DYRK4: variants seen among roughly 807,000 people sequenced by gnomAD.
DYRK4 encodes dual specificity tyrosine phosphorylation regulated kinase 4.
Under a neutral mutation model 68.3 loss-of-function variants are expected in DYRK4, and 64 were observed. That is an observed-to-expected ratio of 0.94 (90% confidence interval 0.77 to 1.15). DYRK4 has a LOEUF of 1.15. Among genes scored for constraint, DYRK4 ranks in the 50% most tolerant of loss-of-function variants. The probability of loss-of-function intolerance (pLI) is 0.00; values close to 1 mark genes in which losing one functional copy is unlikely to be tolerated. For missense variants in DYRK4, 740 were observed against 764.7 expected (o/e 0.97, Z 0.38); for synonymous variants, 274 against 289.9 (o/e 0.95, Z 0.56).
rs778614361 is a variant in DYRK4, at chr12:4,591,345, TC to T, written c.463+48del. On this transcript the variant is annotated intron_variant, in intron 5 of 14. Transcript: ENST00000543431. This position sits in a 1 kb window ranked among gnomAD's most constrained non-coding sequence, Gnocchi z 4.1. ...AGGGTGGGGAGGTGCTTATGGAAGG[TC>T]GGGGTGTTAAGAGCTAAGCTGCGCT... 17 of 1,602,680 alleles carry T rather than the reference TC, an allele frequency of 1.1e-5. No homozygotes were observed. Among genetic ancestry groups the T allele is most frequent in the Non-Finnish European group, 1.4e-5 (17 of 1,175,338 alleles).
chr12:4,573,608 G>A (rs920705346), intron 2 of DYRK4, among the ~76,000 whole-genome samples: 1 of 152,036 alleles, frequency 6.6e-6, no homozygotes, highest in Non-Finnish European at 1.5e-5. Flanking sequence ...GGAGATATTC[G>A]GAATGCAATC....
chr12:4,597,222 C>G (rs1269761182), intron 8 of DYRK4: 1 of 904,596 alleles, frequency 1.1e-6, no homozygotes, highest in Non-Finnish European at 1.3e-6. Flanking sequence ...ATTGGCGTGG[C>G]CTGGCTGAAT....
intron 11 of DYRK4, among the ~76,000 whole-genome samples, chr12:4,605,311 C>T (rs1464576471): frequency 2.6e-5 from 4 of 152,198 alleles, no homozygotes; most frequent in Admixed American, 2.6e-4. Flanking sequence ...GATGTCATTT[C>T]CATCATATTG....
Position 4,596,673 on chromosome 12 carries a change from T to A in DYRK4, c.849T>A (p.His283Gln). ...AAGACAACACCTACAATGTGGTGCATATGAAGGACTTTTTCTACTTTCGCA... is the reference window on the plus strand; with the variant it reads ...AAGACAACACCTACAATGTGGTGCAAATGAAGGACTTTTTCTACTTTCGCA... Reference protein sequence around the residue: ...KDKDNTYNVVHMKDFFYFRNH... With the variant: ...KDKDNTYNVVQMKDFFYFRNH... Residue 283 changes from histidine to glutamine, a missense_variant, in exon 8 of 15, where the codon CAT becomes CAA. By Grantham distance (24) the His-to-Gln change is conservative. Around this residue, in one of 3 missense-constraint regions of DYRK4, gnomAD observed 614 missense variants for 603.7 expected, o/e 1.02. Transcript: ENST00000543431. The A allele has an allele frequency of 6.2e-7, 1 of 1,614,216 alleles. No homozygotes were observed. The highest frequency in any genetic ancestry group is 8.5e-7 in the Non-Finnish European group (1 of 1,180,036).
chr12:4,573,437 T>C, intron 2 of DYRK4: 3 of 1,271,296 alleles, frequency 2.4e-6, no homozygotes, highest in South Asian at 1.2e-5. Flanking sequence ...GATTTGAAAT[T>C]ACCTTTGGTT....
At chr12:4,564,296 A>G (rs1944655766) in intron 1 of DYRK4, 1 of 151,736 alleles carries the variant, frequency 6.6e-6, no homozygotes, top group African/African-American at 2.4e-5. Context: ...TATATATTAT[A>G]TAAATATAAA....
At chr12:4,595,452 T>C (rs1274296383) in intron 6 of DYRK4, among the ~76,000 whole-genome samples, 1 of 152,218 alleles carries the variant, frequency 6.6e-6, no homozygotes, top group African/African-American at 2.4e-5. Flanking sequence ...AGCTGAAGTA[T>C]TTTTAATAGA....
chr12:4,572,113 C>G (rs1348015868), intron 2 of DYRK4, among the ~76,000 whole-genome samples: 1 of 152,138 alleles, frequency 6.6e-6, no homozygotes, highest in Non-Finnish European at 1.5e-5. Flanking sequence ...TGTAGGAAGA[C>G]CAGATGTTTT....
At chr12:4,566,200 G>A (rs982650582) in intron 1 of DYRK4, among the ~76,000 whole-genome samples, 4 of 152,116 alleles carry the variant, frequency 2.6e-5, no homozygotes, top group East Asian at 1.9e-4. Context: ...CCTCCAAATC[G>A]TGCTTCGTGA....
chr12:4,593,298 G>C, intron 6 of DYRK4, 133 bp downstream of exon 6: 1 of 1,028,100 alleles, frequency 9.7e-7, no homozygotes, highest in Non-Finnish European at 1.4e-6. Flanking sequence ...AAGTATTCTG[G>C]TAGTGCCAAA....
intron 5 of DYRK4, among the ~76,000 whole-genome samples, chr12:4,592,121 A>G (rs1263956227): frequency 6.6e-6 from 1 of 151,776 alleles, no homozygotes; most frequent in African/African-American, 2.4e-5. Flanking sequence ...TTCTTAAACA[A>G]CTCCGGGAAC....
chr12:4,576,133 G>A (rs547118686), intron 2 of DYRK4, among the ~76,000 whole-genome samples: 5 of 152,210 alleles, frequency 3.3e-5, no homozygotes, highest in Admixed American at 6.5e-5. Context: ...GGATGATACC[G>A]GATAGTTTCA....
In DYRK4 at chr12:4,581,523, G is replaced by A. The variant is rs546833674; in HGVS notation, c.133-7414G>A. ...TTCTCTTGTGTGAATTCGCTGATTAGAGGCTTTCCTTCCAAAAGAAGGGCC... is the reference window on the plus strand; with the variant it reads ...TTCTCTTGTGTGAATTCGCTGATTAAAGGCTTTCCTTCCAAAAGAAGGGCC... On this transcript the variant is annotated intron_variant, in intron 2 of 14. Transcript: ENST00000543431. 3.3e-5 allele frequency among the ~76,000 whole-genome samples: 5 copies of A among 152,306 alleles called. No individual in the cohort carries two copies. The East Asian group carries it at 9.6e-4, about 29-fold the overall frequency.
intron 12 of DYRK4, 93 bp downstream of exon 12, chr12:4,607,480 C>T (rs1036194438): frequency 7.3e-7 from 1 of 1,371,122 alleles, no homozygotes; most frequent in East Asian, 2.3e-5. Flanking sequence ...TGGCCACATA[C>T]CAAAGGGCTG....
rs200012895 is a variant in DYRK4, at chr12:4,607,296, A to T, written c.1300-31A>T. On this transcript the variant is annotated intron_variant, in intron 11 of 14. Coordinates refer to ENST00000543431, the MANE Select transcript of DYRK4 (RefSeq NM_001394779.1). ...AGCCTTTGAATCTGTGCTCCCACAAAGAATGAACCAATTGAATTATCCTTA... is the reference window on the plus strand; with the variant it reads ...AGCCTTTGAATCTGTGCTCCCACAATGAATGAACCAATTGAATTATCCTTA... 178 of 1,614,086 alleles carry T rather than the reference A, an allele frequency of 1.1e-4. No homozygotes were observed. In the East Asian group the frequency reaches 1.9e-3, roughly 17 times the overall value.
chr12:4,584,612 C>G (rs10744652), intron 2 of DYRK4, among the ~76,000 whole-genome samples: 76,453 of 144,956 alleles, frequency 0.53, 20,469 homozygotes, highest in African/African-American at 0.61. Context: ...CTGGAGTACA[C>G]TGGTGCGATC....
chr12:4,613,778 C>T lies in DYRK4; in HGVS notation c.*25C>T, dbSNP rs752448032. On this transcript the variant is annotated 3_prime_UTR_variant, in exon 15 of 15. Transcript: ENST00000543431. This position sits in a 1 kb window ranked among gnomAD's most constrained non-coding sequence, Gnocchi z 4.0. ...ACCTTTGCTGAGGGTATGTCCTGCTCCTTTCCACCAGTGATTTGTATTAAG... is the reference window on the plus strand; with the variant it reads ...ACCTTTGCTGAGGGTATGTCCTGCTTCTTTCCACCAGTGATTTGTATTAAG... 5.3e-5 allele frequency: 78 copies of T among 1,479,364 alleles called. No homozygotes were observed. The highest frequency in any genetic ancestry group is 6.7e-5 in the Non-Finnish European group (74 of 1,108,030). 91.6% of individuals were successfully genotyped at this position (1,479,364 alleles called of 1,614,324 possible). A position where few individuals can be genotyped will look rare whatever the true frequency, so the allele number is the denominator to read the frequency against.
intron 8 of DYRK4, chr12:4,597,217 C>T (rs1255629019): frequency 1.7e-5 from 16 of 922,474 alleles, no homozygotes; most frequent in Middle Eastern, 5.3e-4. Context: ...AATAGATTGG[C>T]GTGGCCTGGC....
Position 4,599,163 on chromosome 12 carries a change from G to C in DYRK4, c.1041G>C (p.Lys347Asn). Reference sequence around the variant, plus strand: ...AGAAAATCATTCACTGTGATCTCAAGCCCGTGAGTACCATCTCCGTCCTGC... The same window carrying C: ...AGAAAATCATTCACTGTGATCTCAACCCCGTGAGTACCATCTCCGTCCTGC... ...SVEKIIHCDL[K>N]PENIVLYQKG... The change falls in exon 9 of 15, where the codon AAG becomes AAC. Residue 347 changes from lysine (K) to asparagine (N), a missense_variant. By Grantham distance (94) the Lys-to-Asn change is moderately conservative. Around this residue, in one of 3 missense-constraint regions of DYRK4, gnomAD observed 614 missense variants for 603.7 expected, o/e 1.02. Transcript: ENST00000543431. The C allele has an allele frequency of 6.2e-7, 1 of 1,613,438 alleles. No homozygotes were observed. The highest frequency in any genetic ancestry group is 8.5e-7 in the Non-Finnish European group (1 of 1,179,900).
Sources: allele counts gnomAD v4.1 joint callset (sites outside exome capture counted in the v4.1 genomes callset), GRCh38; gene constraint gnomAD v4.1.1; regional missense constraint gnomAD v4.1.1; non-coding constraint Gnocchi (gnomAD v3.1); transcripts MANE v1.5; gene names NCBI Gene and HGNC (gene_info 2026-07-23, HGNC 2026-07-21).